SV2B: variants seen among roughly 807,000 people sequenced by gnomAD.
SV2B encodes synaptic vesicle glycoprotein 2B, also known as solute carrier family 22 member B2.
SV2B carries 41 observed loss-of-function variants against 73.9 expected under a neutral mutation model. That is an observed-to-expected ratio of 0.56 (90% confidence interval 0.43 to 0.72). The LOEUF (loss-of-function observed/expected upper bound fraction) is 0.72. SV2B is among the 30% of genes least tolerant of loss of function. The probability of loss-of-function intolerance (pLI) is 0.00; values close to 1 mark genes in which losing one functional copy is unlikely to be tolerated. For missense variants in SV2B, 764 were observed against 857.8 expected, an observed-to-expected ratio of 0.89 and a Z score of 1.37; for synonymous variants, 314 against 314.2, an observed-to-expected ratio of 1.00 and a Z score of 0.01.
In SV2B at chr15:91,284,058, C is replaced by G. The variant is rs139646426; in HGVS notation, c.1545C>G (p.Ile515Met). 6.2e-7 allele frequency: 1 copy of G among 1,614,086 alleles called. No homozygotes were observed. The highest frequency in any genetic ancestry group is 1.3e-5 in the African/African-American group (1 of 74,926). ...YEHKFINCRF[I>M]NSTFLEQKEG... is the part of the protein sequence containing the mutation. Reference sequence around the variant, plus strand: ...ACAAGTTCATCAACTGTCGGTTTATCAACTCCACCTTCCTGGAGCAGAAGG... The same window carrying G: ...ACAAGTTCATCAACTGTCGGTTTATGAACTCCACCTTCCTGGAGCAGAAGG... The change falls in exon 11 of 13, where the codon ATC (isoleucine) becomes ATG (methionine). Residue 515 changes from isoleucine (I) to methionine (M), a missense_variant. Transcript: ENST00000394232. This position sits in a 1 kb window ranked among gnomAD's most constrained non-coding sequence, Gnocchi z 4.5.
At chr15:91,217,557 A>C (rs1225432526) in intron 1 of SV2B, among the ~76,000 whole-genome samples, 1 of 152,220 alleles carries the variant, frequency 6.6e-6, no homozygotes, top group Non-Finnish European at 1.5e-5. Flanking sequence ...TAGAACTTAA[A>C]GTATAATAAT....
chr15:91,266,476 A>G, intron 6 of SV2B, 106 bp from the exon 7 acceptor site: 2 of 804,638 alleles, frequency 2.5e-6, no homozygotes, highest in Non-Finnish European at 3.9e-6. Context: ...GAAATCGCAG[A>G]CTCCTCTAGT....
intron 1 of SV2B, among the ~76,000 whole-genome samples, chr15:91,120,081 C>T (rs2042289173): frequency 6.6e-6 from 1 of 152,228 alleles, no homozygotes; most frequent in Non-Finnish European, 1.5e-5. Flanking sequence ...TGGTTTCCAG[C>T]CTGGGCGCCA....
At chr15:91,277,879 C>T (rs1266323683) in intron 9 of SV2B, among the ~76,000 whole-genome samples, 5 of 152,122 alleles carry the variant, frequency 3.3e-5, no homozygotes, top group Admixed American at 6.6e-5. Context: ...CTTCAGTTAT[C>T]GTTCCTAAAG....
In SV2B at chr15:91,284,099, A is replaced by G; in HGVS notation, c.1586A>G (p.Asp529Gly). The G allele has an allele frequency of 6.2e-7, 1 of 1,614,164 alleles. No homozygotes were observed. Among genetic ancestry groups the G allele is most frequent in the Non-Finnish European group, 8.5e-7 (1 of 1,180,030 alleles). ...FLEQKEGCHM[D>G]LEQDNDFLIY... ...GAGCAGAAGGAGGGCTGCCACATGG[A>G]CTTGGAGCAAGATAATGACTTCCTG... The change falls in exon 11 of 13, where the codon GAC (aspartate) becomes GGC (glycine). Residue 529 changes from aspartate (D) to glycine (G), a missense_variant. Asp to Gly is a moderately conservative substitution (Grantham distance 94, BLOSUM62 -1). Transcript: ENST00000394232. This position sits in a 1 kb window ranked among gnomAD's most constrained non-coding sequence, Gnocchi z 4.5.
At position 91,292,587 on chromosome 15, in the gene SV2B, T is replaced by C; in HGVS notation, c.*35T>C. 1 of 1,597,014 alleles carries C rather than the reference T, an allele frequency of 6.3e-7. No homozygotes were observed. The highest frequency in any genetic ancestry group is 8.5e-7 in the Non-Finnish European group (1 of 1,172,370). On this transcript the variant is annotated 3_prime_UTR_variant, in exon 13 of 13. Transcript: ENST00000394232. ...GGGAAAAGGAAAGGTCGAGAGAATCTTGTCCAGGACACTGAAATGCATCCA... is the reference window on the plus strand; with the variant it reads ...GGGAAAAGGAAAGGTCGAGAGAATCCTGTCCAGGACACTGAAATGCATCCA...
At chr15:91,156,378 A>G (rs979933451) in intron 1 of SV2B, among the ~76,000 whole-genome samples, 1 of 152,122 alleles carries the variant, frequency 6.6e-6, no homozygotes, top group Non-Finnish European at 1.5e-5. Flanking sequence ...AAAGGCTAAT[A>G]AGAGATTTGG....
chr15:91,217,074 G>C (rs192344322), intron 1 of SV2B, among the ~76,000 whole-genome samples: 1 of 149,960 alleles, frequency 6.7e-6, no homozygotes, highest in Non-Finnish European at 1.5e-5. Context: ...ATGGGGTTTC[G>C]CCATGTTGGC....
rs957049695 is a variant in SV2B, at chr15:91,245,376, C to A, written c.452-6443C>A. On this transcript the variant is annotated intron_variant, in intron 2 of 12. Coordinates refer to ENST00000394232, the MANE Select transcript of SV2B (RefSeq NM_001323032.3). The surrounding 1 kb of genome is among the most constrained non-coding windows in gnomAD (Gnocchi z 4.2). The stretch of plus-strand genomic sequence containing the variant: ...GTGAAAAGCTAGACTATGAAGCTTT[C>A]GAGACAGAAAGATTTCTATCGTGTA... Among the ~76,000 whole-genome samples, 1 of 152,154 alleles carries A rather than the reference C, an allele frequency of 6.6e-6. No homozygotes were observed. The highest frequency in any genetic ancestry group is 1.5e-5 in the Non-Finnish European group (1 of 68,030).
At chr15:91,287,247 A>G (rs2141788916) in intron 11 of SV2B, among the ~76,000 whole-genome samples, 1 of 152,108 alleles carries the variant, frequency 6.6e-6, no homozygotes, top group Middle Eastern at 3.4e-3. Context: ...TGAGGGTGAC[A>G]CTCCGGGCTG....
chr15:91,277,521 A>G lies in SV2B; in HGVS notation c.1374-4207A>G, dbSNP rs963878784. Among the ~76,000 whole-genome samples, 7 of 151,868 alleles carry G rather than the reference A, an allele frequency of 4.6e-5. No individual in the cohort carries two copies. In the East Asian group the frequency reaches 7.7e-4, roughly 17 times the overall value. ...CTCCATCCCCAGTCCTTGGCAGCCAATGATCTTCTTTATGTTACTTACATG... is the reference window on the plus strand; with the variant it reads ...CTCCATCCCCAGTCCTTGGCAGCCAGTGATCTTCTTTATGTTACTTACATG... On this transcript the variant is annotated intron_variant, in intron 9 of 12. Coordinates refer to ENST00000394232, the MANE Select transcript of SV2B (RefSeq NM_001323032.3).
At chr15:91,276,153 C>G (rs934652880) in intron 9 of SV2B, among the ~76,000 whole-genome samples, 1 of 149,426 alleles carries the variant, frequency 6.7e-6, no homozygotes. Context: ...CTGCTGTATT[C>G]TTATCTTTAT....
At position 91,289,371 on chromosome 15, in the gene SV2B, C is replaced by A. The variant is rs548043040; in HGVS notation, c.1709-150C>A. The A allele has an allele frequency of 2.0e-6, 2 of 979,520 alleles. No individual in the cohort carries two copies. The highest frequency in any genetic ancestry group is 3.2e-5 in the African/African-American group (2 of 61,850). 60.7% of individuals were successfully genotyped at this position (979,520 alleles called of 1,614,324 possible). On this transcript the variant is annotated intron_variant, in intron 11 of 12. Transcript: ENST00000394232. This position sits in a 1 kb window ranked among gnomAD's most constrained non-coding sequence, Gnocchi z 4.9. ...GCCTTGTGAGGATTCCAGCTGTGCT[C>A]TCTCTGTGTGGAGGGTGAACCTAAT...
In SV2B at chr15:91,252,522, T is replaced by C; in HGVS notation, c.784+2T>C. 1 of 1,602,540 alleles carries C rather than the reference T, an allele frequency of 6.2e-7. No individual in the cohort carries two copies. The highest frequency in any genetic ancestry group is 8.5e-7 in the Non-Finnish European group (1 of 1,174,064). On this transcript the variant is annotated splice_donor_variant, in intron 4 of 12. Transcript: ENST00000394232. LOFTEE classifies it high-confidence loss of function. This position sits in a 1 kb window ranked among gnomAD's most constrained non-coding sequence, Gnocchi z 4.6. ...CCTGGAGCATCATCCCACACTATGG[T>C]GAGTCATGGCTCCAAACAGCCTAGG...
In SV2B at chr15:91,268,606, G is replaced by C; in HGVS notation, c.1373+1G>C. On this transcript the variant is annotated splice_donor_variant, in intron 9 of 12. Transcript: ENST00000394232. LOFTEE classifies it high-confidence loss of function. The surrounding 1 kb of genome is among the most constrained non-coding windows in gnomAD (Gnocchi z 4.4). The stretch of plus-strand genomic sequence containing the variant: ...AACATGGGAAACTTGTGAATGATAA[G>C]TAAGTGAGTGATCACGGGCTTCCCT... The C allele has an allele frequency of 6.2e-7, 1 of 1,609,056 alleles. No homozygotes were observed. The highest frequency in any genetic ancestry group is 8.5e-7 in the Non-Finnish European group (1 of 1,175,746).
At chr15:91,201,363 G>A (rs1341913411) in intron 1 of SV2B, among the ~76,000 whole-genome samples, 6 of 152,152 alleles carry the variant, frequency 3.9e-5, no homozygotes, top group Non-Finnish European at 5.9e-5. Flanking sequence ...GCCTCATAAC[G>A]ACCTGATAAG....
chr15:91,250,452 T>C (rs886777629), intron 2 of SV2B, among the ~76,000 whole-genome samples: 7 of 152,164 alleles, frequency 4.6e-5, no homozygotes, highest in African/African-American at 1.7e-4. Flanking sequence ...ATGCCCACTC[T>C]TGCCACTTCT....
intron 1 of SV2B, among the ~76,000 whole-genome samples, chr15:91,134,505 G>T (rs1349276887): frequency 2.6e-5 from 4 of 152,176 alleles, no homozygotes; most frequent in African/African-American, 9.7e-5. Flanking sequence ...ACCTGCAAGA[G>T]AGCGAAAAGG....
chr15:91,203,685 G>T (rs988760751), intron 1 of SV2B, among the ~76,000 whole-genome samples: 1 of 152,204 alleles, frequency 6.6e-6, no homozygotes, highest in Admixed American at 6.5e-5. Flanking sequence ...GGAGGGTACA[G>T]TAGAAAAAGC....
Sources: allele counts gnomAD v4.1 joint callset (sites outside exome capture counted in the v4.1 genomes callset), GRCh38; gene constraint gnomAD v4.1.1; non-coding constraint Gnocchi (gnomAD v3.1); transcripts MANE v1.5; gene names NCBI Gene and HGNC (gene_info 2026-07-23, HGNC 2026-07-21).